SSBP2: variants seen among roughly 807,000 people sequenced by gnomAD.
SSBP2 encodes the protein single stranded DNA binding protein 2.
In SSBP2, 17 loss-of-function variants were observed where a neutral mutation model predicts 61.8. The observed-to-expected ratio is 0.28, with a 90% CI of 0.19 to 0.41. SSBP2 has a LOEUF of 0.41. Ranked by LOEUF, SSBP2 falls within the 10% of genes least tolerant of loss-of-function variation. The pLI, the probability that SSBP2 is intolerant of heterozygous loss-of-function variation, is 1.00. For missense variants in SSBP2, 310 were observed against 458.7 expected (o/e 0.68, Z 2.96); for synonymous variants, 139 against 141.3 (o/e 0.98, Z 0.12).
At chr5:81,728,770 C>T (rs373751488) in intron 1 of SSBP2, among the ~76,000 whole-genome samples, 2 of 152,114 alleles carry the variant, frequency 1.3e-5, no homozygotes, top group Non-Finnish European at 2.9e-5. Flanking sequence ...AATTAACTTG[C>T]GCAAATGTCC....
At chr5:81,552,780 T>G (rs1772306307) in intron 4 of SSBP2, among the ~76,000 whole-genome samples, 1 of 152,188 alleles carries the variant, frequency 6.6e-6, no homozygotes, top group African/African-American at 2.4e-5. Flanking sequence ...TTTTTTTAAG[T>G]TAACCTGTGA....
At chr5:81,657,879 G>C (rs1042688385) in intron 1 of SSBP2, among the ~76,000 whole-genome samples, 2 of 151,946 alleles carry the variant, frequency 1.3e-5, no homozygotes, top group African/African-American at 4.8e-5. Context: ...ATAAAATTTT[G>C]ACAACAGAAC....
intron 1 of SSBP2, among the ~76,000 whole-genome samples, chr5:81,685,956 C>T (rs1347876799): frequency 6.6e-6 from 1 of 152,170 alleles, no homozygotes; most frequent in South Asian, 2.1e-4. Context: ...TTCCTCAGTT[C>T]GCTATGTAAA....
chr5:81,637,417 C>T (rs575633922), intron 2 of SSBP2, among the ~76,000 whole-genome samples: 11 of 152,330 alleles, frequency 7.2e-5, no homozygotes, highest in African/African-American at 2.4e-4. Context: ...GCTATTTCCA[C>T]ATATTACATT....
chr5:81,723,866 A>G (rs1414351051), intron 1 of SSBP2, among the ~76,000 whole-genome samples: 2 of 151,996 alleles, frequency 1.3e-5, no homozygotes, highest in Non-Finnish European at 2.9e-5. Flanking sequence ...TCATTTCCCC[A>G]GAGTTGAGGA....
chr5:81,596,981 T>A (rs1581129245), intron 4 of SSBP2, among the ~76,000 whole-genome samples: 1 of 151,184 alleles, frequency 6.6e-6, no homozygotes, highest in East Asian at 2.0e-4. Flanking sequence ...AAGCCAAAAT[T>A]GACAAATGGG....
At chr5:81,640,699 C>CT in intron 2 of SSBP2, among the ~76,000 whole-genome samples, 1 of 151,626 alleles carries the variant, frequency 6.6e-6, no homozygotes, top group East Asian at 1.9e-4. Flanking sequence ...CTCAAAAACT[C>CT]TGATGTCCTG....
chr5:81,693,046 T>A (rs1462170219), intron 1 of SSBP2, among the ~76,000 whole-genome samples: 1 of 151,150 alleles, frequency 6.6e-6, no homozygotes, highest in Non-Finnish European at 1.5e-5. Flanking sequence ...TCTACTAAAA[T>A]ACAAAAAAAT....
intron 4 of SSBP2, among the ~76,000 whole-genome samples, chr5:81,527,459 T>C (rs1463840265): frequency 6.6e-5 from 10 of 152,004 alleles, no homozygotes; most frequent in Non-Finnish European, 1.2e-4. Flanking sequence ...AGCATAAGCA[T>C]TGCAGTAGTG....
At chr5:81,519,065 G>A (rs1769259621) in intron 4 of SSBP2, among the ~76,000 whole-genome samples, 1 of 151,974 alleles carries the variant, frequency 6.6e-6, no homozygotes, top group Non-Finnish European at 1.5e-5. Context: ...AATGTCCTTT[G>A]ATGTATTATA....
At chr5:81,637,695 G>A (rs1006860597) in intron 2 of SSBP2, among the ~76,000 whole-genome samples, 1 of 152,102 alleles carries the variant, frequency 6.6e-6, no homozygotes, top group Non-Finnish European at 1.5e-5. Flanking sequence ...GGAAAAAACT[G>A]GTTAGTACAT....
chr5:81,560,547 T>C (rs1353157515), intron 4 of SSBP2, among the ~76,000 whole-genome samples: 2 of 152,176 alleles, frequency 1.3e-5, no homozygotes, highest in East Asian at 3.9e-4. Flanking sequence ...GAAAGCCACC[T>C]CAGTGCTTAT....
intron 4 of SSBP2, among the ~76,000 whole-genome samples, chr5:81,544,322 C>T (rs1435666691): frequency 6.6e-6 from 1 of 152,174 alleles, no homozygotes; most frequent in Non-Finnish European, 1.5e-5. Flanking sequence ...GCTTGGATTA[C>T]AGACCTAAGC....
intron 4 of SSBP2, among the ~76,000 whole-genome samples, chr5:81,523,295 CTGT>C (rs1374108288): frequency 1.3e-5 from 2 of 152,022 alleles, no homozygotes; most frequent in East Asian, 3.9e-4. Context: ...TGATTTTTCA[CTGT>C]TAATTTTCAG....
intron 1 of SSBP2, among the ~76,000 whole-genome samples, chr5:81,738,344 T>C (rs151150913): frequency 1.3e-5 from 2 of 152,314 alleles, no homozygotes; most frequent in East Asian, 3.9e-4. Flanking sequence ...AGAGAAATAA[T>C]AAACTAAACC....
intron 10 of SSBP2, 56 bp downstream of exon 10, chr5:81,460,997 ATT>A: frequency 9.1e-7 from 1 of 1,094,284 alleles, no homozygotes. Context: ...TGTTTTTGTG[ATT>A]TTTGTTAAAT....
chr5:81,433,050 G>A (rs1423989138), intron 15 of SSBP2, among the ~76,000 whole-genome samples: 2 of 151,160 alleles, frequency 1.3e-5, no homozygotes, highest in Non-Finnish European at 3.0e-5. Flanking sequence ...CTGCCCGGCC[G>A]CCCCTACTGG....
In SSBP2 at chr5:81,420,397, CTG is replaced by C. The variant is rs1761523378; in HGVS notation, c.*105_*106del. ...AAATAAAAAGGTTGGTTTGGTGTGA[CTG>C]AGATTCCTTTGTTTAACTGTACACT... On this transcript the variant is annotated 3_prime_UTR_variant, in exon 17 of 17. Coordinates refer to ENST00000320672, the MANE Select transcript of SSBP2 (RefSeq NM_012446.5). 1 of 1,141,234 alleles carries C rather than the reference CTG, an allele frequency of 8.8e-7. No homozygotes were observed. Among genetic ancestry groups the C allele is most frequent in the Admixed American group, 1.8e-5 (1 of 54,784 alleles). The allele number at this position is 1,141,234 out of a possible 1,614,324, so 70.7% of individuals were successfully genotyped here. A position where few individuals can be genotyped will look rare whatever the true frequency, so the allele number is the denominator to read the frequency against.
At chr5:81,547,529 C>G (rs140238751) in intron 4 of SSBP2, among the ~76,000 whole-genome samples, 3,079 of 152,140 alleles carry the variant, frequency 0.02, 47 homozygotes, top group Non-Finnish European at 0.029. Context: ...TGCAGTGGCA[C>G]AATCATAGCT....
Sources: gnomAD v4.1 joint callset for allele counts (sites outside exome capture counted in the v4.1 genomes callset) on GRCh38, gnomAD v4.1.1 for gene constraint, MANE v1.5 for transcripts, NCBI Gene and HGNC (gene_info 2026-07-23, HGNC 2026-07-21) for gene names.